DLG4: variants seen among roughly 807,000 people sequenced by gnomAD.
DLG4 encodes the protein discs large MAGUK scaffold protein 4.
A neutral mutation model predicts 93.8 loss-of-function variants in DLG4; 7 were observed. The observed-to-expected ratio is 0.07, with a 90% CI of 0.04 to 0.14. The LOEUF (loss-of-function observed/expected upper bound fraction) is 0.14. DLG4 is among the 10% of genes least tolerant of loss of function. The pLI is 1.00. For synonymous variants in DLG4, 341 were observed against 387.6 expected, an observed-to-expected ratio of 0.88 and a Z score of 1.41; for missense variants, 545 against 992.9, an observed-to-expected ratio of 0.55 and a Z score of 6.06.
Position 7,208,331 on chromosome 17 carries a change from T to A in DLG4, c.31-92A>T. 1 of 1,182,936 alleles carries A rather than the reference T, an allele frequency of 8.5e-7. No individual in the cohort carries two copies. The highest frequency in any genetic ancestry group is 1.1e-6 in the Non-Finnish European group (1 of 914,094). 73.3% of individuals were successfully genotyped at this position (1,182,936 alleles called of 1,614,324 possible). On this transcript the variant is annotated intron_variant, in intron 1 of 19. Coordinates refer to ENST00000399506, the MANE Select transcript of DLG4 (RefSeq NM_001321075.3). The surrounding 1 kb of genome is among the most constrained non-coding windows in gnomAD (Gnocchi z 5.4). ...GGCCGCCGCCTCTTCCCCCAGCCAG[T>A]GCAGTGCGGAAGGCCCTGGGGCCTG...
At chr17:7,214,466 G>A (rs1442708151) in intron 1 of DLG4, among the ~76,000 whole-genome samples, 2 of 151,326 alleles carry the variant, frequency 1.3e-5, no homozygotes, top group Non-Finnish European at 2.9e-5. Context: ...CCCCTGCCTC[G>A]CCCACACTGT....
In DLG4 at chr17:7,194,516, G is replaced by T; in HGVS notation, c.1302-21C>A. 6.3e-7 allele frequency: 1 copy of T among 1,588,604 alleles called. No homozygotes were observed. The highest frequency in any genetic ancestry group is 2.3e-5 in the East Asian group (1 of 43,560). ...GGGCCCTGGAGGGCAAGTGGCTATC[G>T]GTCAGAGCCCAGCTGAGGACTCCAG... On this transcript the variant is annotated intron_variant, in intron 11 of 19. Coordinates refer to ENST00000399506, the MANE Select transcript of DLG4 (RefSeq NM_001321075.3). The surrounding 1 kb of genome is among the most constrained non-coding windows in gnomAD (Gnocchi z 4.4).
intron 1 of DLG4, among the ~76,000 whole-genome samples, chr17:7,209,486 A>C (rs1271642774): frequency 1.3e-5 from 2 of 152,176 alleles, no homozygotes; most frequent in Non-Finnish European, 2.9e-5. Flanking sequence ...CCCAGTACAC[A>C]TGGGTAAAAA....
chr17:7,187,926 T>C lies in DLG4; in HGVS notation c.*2782A>G, dbSNP rs1215784060. Reference sequence around the variant, plus strand: ...TCTACTAAAAATATTAAAAAATAGCTGTGTGTTATGGCACGCATCTGTAAT... The same window carrying C: ...TCTACTAAAAATATTAAAAAATAGCCGTGTGTTATGGCACGCATCTGTAAT... On this transcript the variant is annotated 3_prime_UTR_variant, in exon 20 of 20. Coordinates refer to ENST00000399506, the MANE Select transcript of DLG4 (RefSeq NM_001321075.3). 6.6e-6 allele frequency among the ~76,000 whole-genome samples: 1 copy of C among 151,894 alleles called. No homozygotes were observed. The highest frequency in any genetic ancestry group is 1.5e-5 in the Non-Finnish European group (1 of 67,974).
chr17:7,209,377 G>A (rs982494378), intron 1 of DLG4, among the ~76,000 whole-genome samples: 1 of 152,150 alleles, frequency 6.6e-6, no homozygotes, highest in Admixed American at 6.5e-5. Context: ...CCTCTGGAAC[G>A]GGCCTCCACA....
Position 7,193,341 on chromosome 17 carries a change from G to A in DLG4, c.1693+142C>T. 9.8e-7 allele frequency: 1 copy of A among 1,023,542 alleles called. No homozygotes were observed. The allele number at this position is 1,023,542 out of a possible 1,614,324, so 63.4% of individuals were successfully genotyped here. On this transcript the variant is annotated intron_variant, in intron 16 of 19. Transcript: ENST00000399506. This position sits in a 1 kb window ranked among gnomAD's most constrained non-coding sequence, Gnocchi z 6.7. Reference sequence around the variant, plus strand: ...GGTACTATGGAATGAGAGGGTGGCTGAGAAGCACCCCTTCTCGGAGAAACC... The same window carrying A: ...GGTACTATGGAATGAGAGGGTGGCTAAGAAGCACCCCTTCTCGGAGAAACC...
chr17:7,218,410 G>A, upstream of DLG4: 1 of 1,373,912 alleles, frequency 7.3e-7, no homozygotes, highest in Non-Finnish European at 1.0e-6. Flanking sequence ...CCACACTCAT[G>A]GAGGACACCA....
chr17:7,194,559 C>G lies in DLG4; in HGVS notation c.1302-64G>C. 6.5e-7 allele frequency: 1 copy of G among 1,529,494 alleles called. No homozygotes were observed. 94.7% of individuals were successfully genotyped at this position (1,529,494 alleles called of 1,614,324 possible). ...GACTCCAGGAAGGATGCCCCAGTCA[C>G]CCAAAGACCCGGCCCAGAGGTCTGC... On this transcript the variant is annotated intron_variant, in intron 11 of 19. Transcript: ENST00000399506. The surrounding 1 kb of genome is among the most constrained non-coding windows in gnomAD (Gnocchi z 4.4).
In DLG4 at chr17:7,188,537, G is replaced by A. The variant is rs369861861; in HGVS notation, c.*2171C>T. Among the ~76,000 whole-genome samples the A allele has an allele frequency of 6.6e-6, 1 of 152,166 alleles. No individual in the cohort carries two copies. The highest frequency in any genetic ancestry group is 1.9e-4 in the East Asian group (1 of 5,192). On this transcript the variant is annotated 3_prime_UTR_variant, in exon 20 of 20. Transcript: ENST00000399506. Reference sequence around the variant, plus strand: ...TGCCAAACACATGAAGAAGGCAGAAGGCTGAGAGTCACCATTCTACATAGC... The same window carrying A: ...TGCCAAACACATGAAGAAGGCAGAAAGCTGAGAGTCACCATTCTACATAGC...
At position 7,189,745 on chromosome 17, in the gene DLG4, A is replaced by C. The variant is rs962668695; in HGVS notation, c.*963T>G. 2 of 151,844 alleles carry C rather than the reference A, an allele frequency of 1.3e-5. No homozygotes were observed. The highest frequency in any genetic ancestry group is 4.9e-5 in the African/African-American group (2 of 41,132). 9.4% of individuals were successfully genotyped at this position (151,844 alleles called of 1,614,324 possible). ...ACCTTCCCAGGCTCAGTCTTCACCAACTCGGGTTCCTTGATTTGCCAGTTA... is the reference window on the plus strand; with the variant it reads ...ACCTTCCCAGGCTCAGTCTTCACCACCTCGGGTTCCTTGATTTGCCAGTTA... On this transcript the variant is annotated 3_prime_UTR_variant, in exon 20 of 20. Transcript: ENST00000399506.
chr17:7,203,771 G>T lies in DLG4; in HGVS notation c.256C>A (p.Pro86Thr), dbSNP rs753336687. The change falls in exon 5 of 20, where the codon CCA (proline) becomes ACA (threonine). Residue 86 changes from proline (P) to threonine (T), a missense_variant. Physicochemically the swap from Pro to Thr is conservative, Grantham distance 38. Transcript: ENST00000399506. The surrounding 1 kb of genome is among the most constrained non-coding windows in gnomAD (Gnocchi z 7.2). ...GFSIAGGTDNPHIGDDPSIFI... is the reference protein window; with the variant it reads ...GFSIAGGTDNTHIGDDPSIFI... Reference sequence around the variant, plus strand: ...ATGGATGGGTCGTCACCGATGTGTGGGTTGTCAGTGCCACCTGCGATGCTG... The same window carrying T: ...ATGGATGGGTCGTCACCGATGTGTGTGTTGTCAGTGCCACCTGCGATGCTG... 1 of 1,613,792 alleles carries T rather than the reference G, an allele frequency of 6.2e-7. No homozygotes were observed. Among genetic ancestry groups the T allele is most frequent in the African/African-American group, 1.3e-5 (1 of 74,884 alleles).
chr17:7,207,747 GCA>G lies in DLG4; in HGVS notation c.96+425_96+426del, dbSNP rs920718608. 4.7e-5 allele frequency among the ~76,000 whole-genome samples: 7 copies of G among 150,156 alleles called. No individual in the cohort carries two copies. In the East Asian group the frequency reaches 1.2e-3, roughly 25 times the overall value. ...GCGCACGCACGCACACACACACACA[GCA>G]CACACACAGGCACGCATGCATGCAC... is the stretch of plus-strand genomic sequence containing the variant. On this transcript the variant is annotated intron_variant, in intron 2 of 19. Coordinates refer to ENST00000399506, the MANE Select transcript of DLG4 (RefSeq NM_001321075.3).
chr17:7,214,874 T>A (rs1359049505), intron 1 of DLG4, among the ~76,000 whole-genome samples: 1 of 152,148 alleles, frequency 6.6e-6, no homozygotes, highest in East Asian at 1.9e-4. Context: ...ACACAGGGCC[T>A]AGCACGCAGT....
At chr17:7,200,823 G>C (rs1422173776) in intron 8 of DLG4, among the ~76,000 whole-genome samples, 5 of 150,410 alleles carry the variant, frequency 3.3e-5, no homozygotes, top group Non-Finnish European at 5.9e-5. Context: ...TGGGATTACA[G>C]GCATGAGCCA....
chr17:7,210,278 A>C (rs1007067633), intron 1 of DLG4, among the ~76,000 whole-genome samples: 3 of 152,158 alleles, frequency 2.0e-5, no homozygotes, highest in African/African-American at 7.2e-5. Flanking sequence ...GGGAGAAGGG[A>C]AGTGGTCCTG....
intron 1 of DLG4, among the ~76,000 whole-genome samples, chr17:7,214,992 G>A: frequency 6.6e-6 from 1 of 152,170 alleles, no homozygotes; most frequent in Non-Finnish European, 1.5e-5. Flanking sequence ...CGCAAAGCCT[G>A]AGCACTCCCT....
At chr17:7,207,517 C>G (rs1680795283) in intron 2 of DLG4, among the ~76,000 whole-genome samples, 1 of 151,890 alleles carries the variant, frequency 6.6e-6, no homozygotes, top group Non-Finnish European at 1.5e-5. Context: ...CGAGCCAGGC[C>G]CAGAGGCGGA....
chr17:7,219,908 G>A (rs1226261200), upstream of DLG4: 1 of 1,559,928 alleles, frequency 6.4e-7, no homozygotes, highest in South Asian at 1.2e-5. Flanking sequence ...TCAGGGTTAG[G>A]GGCGCCAGGA....
In DLG4 at chr17:7,217,250, T is replaced by C. The variant is rs995270272; in HGVS notation, c.-103A>G. On this transcript the variant is annotated 5_prime_UTR_variant, in exon 1 of 20. Transcript: ENST00000399506. ...CACCCCTCCCCCCTCCGCACCCCAC[T>C]TTTGCAGGGGGGGCCAGGATGGGGG... 4.0e-6 allele frequency: 5 copies of C among 1,246,744 alleles called. No individual in the cohort carries two copies. Among genetic ancestry groups the C allele is most frequent in the Non-Finnish European group, 5.1e-6 (5 of 987,410 alleles). The allele number at this position is 1,246,744 out of a possible 1,614,324, so 77.2% of individuals were successfully genotyped here.
Sources: gnomAD v4.1 joint callset for allele counts (sites outside exome capture counted in the v4.1 genomes callset) on GRCh38, gnomAD v4.1.1 for gene constraint, Gnocchi (gnomAD v3.1) non-coding constraint, MANE v1.5 for transcripts, NCBI Gene and HGNC (gene_info 2026-07-23, HGNC 2026-07-21) for gene names.